TRPV4: variants seen among roughly 807,000 people sequenced by gnomAD.
TRPV4 encodes transient receptor potential cation channel subfamily V member 4, also known as OSM9-like transient receptor potential channel 4.
A neutral mutation model predicts 84.1 loss-of-function variants in TRPV4; 58 were observed. That is an observed-to-expected ratio of 0.69 (90% CI 0.56 to 0.86). The LOEUF (loss-of-function observed/expected upper bound fraction) is 0.86. Among genes scored for constraint, TRPV4 ranks in the 40% least tolerant of loss-of-function variants. The probability of loss-of-function intolerance (pLI) is 0.00; values close to 1 mark genes in which losing one functional copy is unlikely to be tolerated. For synonymous variants in TRPV4, 489 were observed against 500.9 expected (o/e 0.98, Z 0.32); for missense variants, 879 against 1,181.1 (o/e 0.74, Z 3.75).
At chr12:109,822,074 G>A (rs1892119877) in intron 1 of TRPV4, among the ~76,000 whole-genome samples, 1 of 152,116 alleles carries the variant, frequency 6.6e-6, no homozygotes, top group Non-Finnish European at 1.5e-5. Context: ...AGGAGGAGGA[G>A]GAGGAAGATA....
rs1254117428 is a variant in TRPV4 at position 109,793,634 on chromosome 12, G to A, written c.1585-34C>T. 1.9e-6 allele frequency: 3 copies of A among 1,568,394 alleles called. No homozygotes were observed. Among genetic ancestry groups the A allele is most frequent in the Admixed American group, 1.7e-5 (1 of 59,940 alleles). ...CAGGAGGGGGCACGTGAAAGGGGTG[G>A]GGCCAGCAGGAGAGGAGAGGAGGAG... On this transcript the variant is annotated intron_variant, in intron 9 of 15. Coordinates refer to ENST00000261740, the MANE Select transcript of TRPV4 (RefSeq NM_021625.5). The surrounding 1 kb of genome is among the most constrained non-coding windows in gnomAD (Gnocchi z 4.0).
At chr12:109,817,844 G>C (rs1891927312) in intron 1 of TRPV4, among the ~76,000 whole-genome samples, 1 of 152,184 alleles carries the variant, frequency 6.6e-6, no homozygotes, top group Non-Finnish European at 1.5e-5. Context: ...AACTGTACAG[G>C]AGAGGGAGCA....
chr12:109,801,443 T>A (rs904421013), intron 4 of TRPV4, among the ~76,000 whole-genome samples: 1 of 152,122 alleles, frequency 6.6e-6, no homozygotes, highest in Non-Finnish European at 1.5e-5. Context: ...TATAAGGGGC[T>A]TTTCCCCCTT....
intron 1 of TRPV4, among the ~76,000 whole-genome samples, chr12:109,821,828 G>C (rs141616144): frequency 6.6e-6 from 1 of 152,012 alleles, no homozygotes; most frequent in African/African-American, 2.4e-5. Flanking sequence ...CACCGCACCC[G>C]GCCTATATAT....
chr12:109,806,440 G>A (rs1401442290), intron 3 of TRPV4, among the ~76,000 whole-genome samples: 2 of 148,254 alleles, frequency 1.3e-5, no homozygotes, highest in Non-Finnish European at 3.0e-5. Flanking sequence ...CCTGACCTTA[G>A]GTGATCCACC....
At chr12:109,828,657 G>C (rs374942296) in intron 1 of TRPV4, among the ~76,000 whole-genome samples, 1 of 152,210 alleles carries the variant, frequency 6.6e-6, no homozygotes, top group Admixed American at 6.5e-5. Context: ...TGGCTCAGAC[G>C]CCAAGGTGGG....
At chr12:109,818,358 C>G (rs2136685100) in intron 1 of TRPV4, among the ~76,000 whole-genome samples, 1 of 152,046 alleles carries the variant, frequency 6.6e-6, no homozygotes, top group East Asian at 1.9e-4. Context: ...ATAACCCAGT[C>G]AACAACATCA....
At chr12:109,812,994 T>C (rs1891615993) in intron 2 of TRPV4, among the ~76,000 whole-genome samples, 1 of 151,838 alleles carries the variant, frequency 6.6e-6, no homozygotes, top group African/African-American at 2.4e-5. Context: ...GATGGATGGA[T>C]GGATGGATGA....
rs751824781 is a variant in TRPV4, at chr12:109,814,782, G to A, written c.15C>T (p.Ser5=). The change falls in exon 2 of 16, where the codon AGC becomes AGT. Residue 5 remains serine, a synonymous_variant. Coordinates refer to ENST00000261740, the MANE Select transcript of TRPV4 (RefSeq NM_021625.5). This position sits in a 1 kb window ranked among gnomAD's most constrained non-coding sequence, Gnocchi z 5.4. MADS[S]EGPRAGPGEV... ...CCCCGGGCCCCGCGCGGGGGCCTTC[G>A]CTGGAATCCGCCATGCCTGCCCCAG... 1.1e-5 allele frequency: 17 copies of A among 1,543,524 alleles called. No homozygotes were observed. The highest frequency in any genetic ancestry group is 1.4e-5 in the African/African-American group (1 of 73,036).
At position 109,803,125 on chromosome 12, in the gene TRPV4, G is replaced by A; in HGVS notation, c.578C>T (p.Thr193Ile). Residue 193 changes from threonine to isoleucine, a missense_variant, in exon 4 of 16, where the codon ACC becomes ATC. Thr to Ile is a moderately conservative substitution (Grantham distance 89). Coordinates refer to ENST00000261740, the MANE Select transcript of TRPV4 (RefSeq NM_021625.5). ...GTTCAGCAAGGCCTTGGGCAGGCAGGTCTTCCCCGTAGATGGCTCTAGCAA... is the reference window on the plus strand; with the variant it reads ...GTTCAGCAAGGCCTTGGGCAGGCAGATCTTCCCCGTAGATGGCTCTAGCAA... ...EEFREPSTGK[T>I]CLPKALLNLS... 6.2e-7 allele frequency: 1 copy of A among 1,614,094 alleles called. No individual in the cohort carries two copies. Among genetic ancestry groups the A allele is most frequent in the South Asian group, 1.1e-5 (1 of 91,090 alleles).
intron 1 of TRPV4, among the ~76,000 whole-genome samples, chr12:109,832,903 G>A (rs1592879936): frequency 7.6e-6 from 1 of 132,390 alleles, no homozygotes; most frequent in African/African-American, 2.9e-5. Flanking sequence ...CCGTCTCTCC[G>A]GGACTCAGTA....
In TRPV4 at chr12:109,794,399, T is replaced by C. The variant is rs150461804; in HGVS notation, c.1421A>G (p.Asn474Ser). The change falls in exon 8 of 16, where the codon AAC becomes AGC. Residue 474 changes from asparagine to serine, a missense_variant. Transcript: ENST00000261740. ...CATGGCACACAGGTAGGAGACCACGTTGATGTAGAAGGAGACGGCCCCGAA... is the reference window on the plus strand; with the variant it reads ...CATGGCACACAGGTAGGAGACCACGCTGATGTAGAAGGAGACGGCCCCGAA... The part of the protein sequence containing the change: ...RKFGAVSFYI[N>S]VVSYLCAMVI... The C allele has an allele frequency of 5.8e-5, 94 of 1,613,906 alleles. 2 individuals carry two copies. The African/African-American group carries it at 7.1e-4, about 12-fold the overall frequency.
chr12:109,788,452 C>A lies in TRPV4; in HGVS notation c.2156G>T (p.Gly719Val). The A allele has an allele frequency of 1.2e-6, 2 of 1,614,228 alleles. No homozygotes were observed. The highest frequency in any genetic ancestry group is 1.7e-6 in the Non-Finnish European group (2 of 1,180,046). Residue 719 changes from glycine to valine, a missense_variant, in exon 13 of 16, where the codon GGC becomes GTC. Coordinates refer to ENST00000261740, the MANE Select transcript of TRPV4 (RefSeq NM_021625.5). ...LLLNMLIALM[G>V]ETVGQVSKES... ...CTTGGAGACCTGGCCCACTGTCTCG[C>A]CCATGAGGGCAATGAGCATGTTGAG...
rs763808214 is a variant in TRPV4 at position 109,798,599 on chromosome 12, C to T, written c.1152+15G>A. The T allele has an allele frequency of 1.9e-6, 3 of 1,609,032 alleles. No individual in the cohort carries two copies. The highest frequency in any genetic ancestry group is 4.5e-5 in the East Asian group (2 of 44,894). ...CGAGTAGGTGGATCAGCTGTGCCCC[C>T]AGCCGCACACTCACCCCAATCTTGC... On this transcript the variant is annotated intron_variant, in intron 6 of 15. Transcript: ENST00000261740. The surrounding 1 kb of genome is among the most constrained non-coding windows in gnomAD (Gnocchi z 5.0).
At position 109,815,361 on chromosome 12, in the gene TRPV4, C is replaced by T. The variant is rs867639029; in HGVS notation, c.-31-534G>A. ...CACCTGCTAAGGCAGAACCATTAAC[C>T]GTGGGCTTCAGGCACAGGAGGGGCT... On this transcript the variant is annotated intron_variant, in intron 1 of 15. Coordinates refer to ENST00000261740, the MANE Select transcript of TRPV4 (RefSeq NM_021625.5). The surrounding 1 kb of genome is among the most constrained non-coding windows in gnomAD (Gnocchi z 4.1). Among the ~76,000 whole-genome samples, 2 of 152,232 alleles carry T rather than the reference C, an allele frequency of 1.3e-5. No individual in the cohort carries two copies. The highest frequency in any genetic ancestry group is 2.9e-5 in the Non-Finnish European group (2 of 68,048).
At chr12:109,828,752 C>A (rs946302299) in intron 1 of TRPV4, among the ~76,000 whole-genome samples, 1 of 152,238 alleles carries the variant, frequency 6.6e-6, no homozygotes, top group African/African-American at 2.4e-5. Context: ...TCACTCAGAT[C>A]TGGCTTCCAG....
intron 3 of TRPV4, 26 bp from the exon 4 acceptor site, chr12:109,803,169 C>T (rs190880316): frequency 7.1e-5 from 114 of 1,612,876 alleles, no homozygotes; most frequent in African/African-American, 1.1e-4. Context: ...CACAAGATGA[C>T]GCAGTGCTCC....
At chr12:109,802,049 G>C (rs559046640) in intron 4 of TRPV4, among the ~76,000 whole-genome samples, 2 of 151,928 alleles carry the variant, frequency 1.3e-5, no homozygotes, top group East Asian at 3.9e-4. Flanking sequence ...TAGAGCCTTA[G>C]AGTATCCGCC....
chr12:109,806,757 A>C (rs907639808), intron 3 of TRPV4, among the ~76,000 whole-genome samples: 52 of 150,526 alleles, frequency 3.5e-4, no homozygotes, highest in African/African-American at 1.1e-3. Context: ...ACTACTCTCG[A>C]GGCCGAAGCA....
Sources: allele counts gnomAD v4.1 joint callset (sites outside exome capture counted in the v4.1 genomes callset), GRCh38; gene constraint gnomAD v4.1.1; non-coding constraint Gnocchi (gnomAD v3.1); transcripts MANE v1.5; gene names NCBI Gene and HGNC (gene_info 2026-07-23, HGNC 2026-07-21).